Variants in BBX observed in about 807,000 individuals in gnomAD.
The protein encoded by BBX is HMG box transcription factor BBX.
BBX carries 30 observed loss-of-function variants against 100.2 expected under a neutral mutation model. That is an observed-to-expected ratio of 0.30 (90% CI 0.22 to 0.41). The LOEUF is 0.41. BBX is among the 10% of genes least tolerant of loss of function. BBX has a pLI of 1.00. For missense variants in BBX, 1,023 were observed against 1,129.8 expected (o/e 0.91, Z 1.35); for synonymous variants, 376 against 388.1 (o/e 0.97, Z 0.37).
intron 2 of BBX, among the ~76,000 whole-genome samples, chr3:107,611,264 GT>G (rs2054829081): frequency 6.6e-6 from 1 of 152,094 alleles, no homozygotes; most frequent in South Asian, 2.1e-4. Flanking sequence ...TAAGATCAGT[GT>G]CTTTATGCAC....
At chr3:107,725,219 T>C (rs1319519685) in intron 5 of BBX, among the ~76,000 whole-genome samples, 1 of 152,138 alleles carries the variant, frequency 6.6e-6, no homozygotes, top group Non-Finnish European at 1.5e-5. Context: ...TGTCTGTTAT[T>C]GGTGTATAAG....
At chr3:107,745,791 A>G (rs992115303) in intron 8 of BBX, among the ~76,000 whole-genome samples, 4 of 152,152 alleles carry the variant, frequency 2.6e-5, no homozygotes. Context: ...TAAACATGTT[A>G]AATAAGATTG....
At chr3:107,775,640 T>G (rs2067265705) in intron 12 of BBX, among the ~76,000 whole-genome samples, 1 of 151,978 alleles carries the variant, frequency 6.6e-6, no homozygotes, top group East Asian at 1.9e-4. Flanking sequence ...TCACCATATT[T>G]TTTCAAAAGT....
At chr3:107,531,875 A>G (rs2048183962) in intron 2 of BBX, among the ~76,000 whole-genome samples, 1 of 152,158 alleles carries the variant, frequency 6.6e-6, no homozygotes, top group African/African-American at 2.4e-5. Flanking sequence ...CTGGTGACTT[A>G]TAGATATTAG....
chr3:107,531,239 C>G (rs966155145), intron 2 of BBX, among the ~76,000 whole-genome samples: 3 of 152,116 alleles, frequency 2.0e-5, no homozygotes, highest in Admixed American at 6.5e-5. Flanking sequence ...GAGGAAGGTC[C>G]TCATCACCCT....
intron 2 of BBX, among the ~76,000 whole-genome samples, chr3:107,634,076 A>G (rs998681644): frequency 1.3e-5 from 2 of 152,252 alleles, no homozygotes; most frequent in South Asian, 4.2e-4. Flanking sequence ...TCCCCTCTCT[A>G]TTCTCTACTT....
chr3:107,564,018 C>T (rs2050696637), intron 2 of BBX, among the ~76,000 whole-genome samples: 1 of 152,130 alleles, frequency 6.6e-6, no homozygotes, highest in Non-Finnish European at 1.5e-5. Flanking sequence ...GAAAGCAGAG[C>T]ATAGTTGCTA....
intron 9 of BBX, among the ~76,000 whole-genome samples, chr3:107,752,734 G>A (rs572647036): frequency 6.6e-6 from 1 of 152,222 alleles, no homozygotes; most frequent in East Asian, 1.9e-4. Flanking sequence ...AGACTACAGT[G>A]GAATTAACTT....
intron 2 of BBX, among the ~76,000 whole-genome samples, chr3:107,571,587 A>G (rs1394303819): frequency 6.6e-6 from 1 of 152,132 alleles, no homozygotes; most frequent in South Asian, 2.1e-4. Context: ...AATTGGTGAG[A>G]TATTCCTTGG....
intron 3 of BBX, among the ~76,000 whole-genome samples, chr3:107,667,608 A>G (rs2058819069): frequency 6.6e-6 from 1 of 151,876 alleles, no homozygotes; most frequent in Non-Finnish European, 1.5e-5. Context: ...TAGATTCTGT[A>G]TTGGATGGGC....
At position 107,773,117 on chromosome 3, in the gene BBX, A is replaced by G. The variant is rs771913382; in HGVS notation, c.1396A>G (p.Lys466Glu). The G allele has an allele frequency of 6.2e-7, 1 of 1,614,002 alleles. No homozygotes were observed. Among genetic ancestry groups the G allele is most frequent in the Non-Finnish European group, 8.5e-7 (1 of 1,179,986 alleles). Residue 466 changes from lysine (K) to glutamate (E), a missense_variant, in exon 11 of 18, where the codon AAA becomes GAA. Physicochemically the swap from Lys to Glu is moderately conservative, Grantham distance 56. Around this residue, in one of 9 missense-constraint regions of BBX, gnomAD observed 348 missense variants for 353.2 expected, o/e 0.99. Transcript: ENST00000325805. The surrounding 1 kb of genome is among the most constrained non-coding windows in gnomAD (Gnocchi z 4.1). Reference protein sequence around the residue: ...KSKMDRHGNDKSTPKKTCKKR... With the variant: ...KSKMDRHGNDESTPKKTCKKR... ...CAAAATGGATCGACATGGAAATGATAAATCCACACCCAAGAAGACTTGCAA... is the reference window on the plus strand; with the variant it reads ...CAAAATGGATCGACATGGAAATGATGAATCCACACCCAAGAAGACTTGCAA...
At chr3:107,781,685 T>A (rs1489844296) in intron 13 of BBX, among the ~76,000 whole-genome samples, 2 of 152,074 alleles carry the variant, frequency 1.3e-5, no homozygotes, top group Admixed American at 6.6e-5. Flanking sequence ...GGAAGTAGGA[T>A]CATGGAGAAA....
At position 107,807,158 on chromosome 3, in the gene BBX, A is replaced by G. The variant is rs2071105148; in HGVS notation, c.*1701A>G. Reference sequence around the variant, plus strand: ...CGGTGCTGGAAAATATGTACAACATACTAACAGGATTGAAAAAAAAATAGA... The same window carrying G: ...CGGTGCTGGAAAATATGTACAACATGCTAACAGGATTGAAAAAAAAATAGA... On this transcript the variant is annotated 3_prime_UTR_variant, in exon 18 of 18. Coordinates refer to ENST00000325805, the MANE Select transcript of BBX (RefSeq NM_001142568.3). The G allele has an allele frequency of 6.6e-6, 1 of 152,172 alleles. No homozygotes were observed. The highest frequency in any genetic ancestry group is 2.1e-4 in the South Asian group (1 of 4,834). The allele number at this position is 152,172 out of a possible 1,614,324, so 9.4% of individuals were successfully genotyped here. A position where few individuals can be genotyped will look rare whatever the true frequency, so the allele number is the denominator to read the frequency against.
intron 7 of BBX, among the ~76,000 whole-genome samples, chr3:107,737,884 GTTTTTTTTTTTTT>G (rs1156396951): frequency 2.7e-4 from 13 of 48,900 alleles, no homozygotes; most frequent in Admixed American, 7.9e-4. Flanking sequence ...CAGAGTTCCA[GTTTTTTTTTTTTT>G]TTTTTTTTTT....
At chr3:107,648,900 A>G (rs1329474632) in intron 3 of BBX, among the ~76,000 whole-genome samples, 1 of 152,196 alleles carries the variant, frequency 6.6e-6, no homozygotes, top group Admixed American at 6.5e-5. Flanking sequence ...TAGTTCCTTA[A>G]GATTGGGAGT....
chr3:107,662,506 T>G (rs1214232685), intron 3 of BBX: 4 of 152,184 alleles, frequency 2.6e-5, no homozygotes, highest in Non-Finnish European at 5.9e-5. Context: ...TTTTAGGGTT[T>G]AAGTGTAAAT....
intron 2 of BBX, among the ~76,000 whole-genome samples, chr3:107,560,590 T>C (rs1317317391): frequency 6.6e-6 from 1 of 152,214 alleles, no homozygotes; most frequent in Non-Finnish European, 1.5e-5. Context: ...TGTTGTAGCA[T>C]TCTCCTTATT....
intron 5 of BBX, among the ~76,000 whole-genome samples, chr3:107,722,798 G>A (rs1348050288): frequency 2.0e-5 from 3 of 152,032 alleles, no homozygotes; most frequent in Non-Finnish European, 2.9e-5. Flanking sequence ...ATCAGATAAT[G>A]CATTGAGTTA....
At chr3:107,772,598 GT>G (rs779560438) in intron 10 of BBX, 29 bp from the exon 11 acceptor site, 5 of 1,535,564 alleles carry the variant, frequency 3.3e-6, no homozygotes, top group Non-Finnish European at 4.4e-6. Flanking sequence ...ATACTTTCGG[GT>G]GCTCTCCCAT....
Sources: allele counts gnomAD v4.1 joint callset (sites outside exome capture counted in the v4.1 genomes callset), GRCh38; gene constraint gnomAD v4.1.1; regional missense constraint gnomAD v4.1.1; non-coding constraint Gnocchi (gnomAD v3.1); transcripts MANE v1.5; gene names NCBI Gene and HGNC (gene_info 2026-07-23, HGNC 2026-07-21).